Variants in HECW2 observed in about 807,000 individuals in gnomAD.
The protein encoded by HECW2 is HECT, C2 and WW domain containing E3 ubiquitin protein ligase 2.
HECW2 carries 61 observed loss-of-function variants against 175.2 expected under a neutral mutation model. That is an observed-to-expected ratio of 0.35 (90% confidence interval 0.28 to 0.43). The LOEUF (loss-of-function observed/expected upper bound fraction) is 0.43, where lower values mean the gene tolerates loss of function less well. Ranked by LOEUF, HECW2 falls within the 20% of genes least tolerant of loss-of-function variation. The probability of loss-of-function intolerance (pLI) is 1.00; values close to 1 mark genes in which losing one functional copy is unlikely to be tolerated. For missense variants in HECW2, 1,524 were observed against 2,000.5 expected, an observed-to-expected ratio of 0.76 and a Z score of 4.54; for synonymous variants, 671 against 731.0, an observed-to-expected ratio of 0.92 and a Z score of 1.32.
At chr2:196,407,408 C>T in intron 2 of HECW2, among the ~76,000 whole-genome samples, 1 of 152,070 alleles carries the variant, frequency 6.6e-6, no homozygotes, top group Non-Finnish European at 1.5e-5. Context: ...CACCATGTTG[C>T]CTAGGCTGGT....
chr2:196,343,890 T>G, intron 2 of HECW2, 126 bp from the exon 3 acceptor site: 2 of 647,630 alleles, frequency 3.1e-6, no homozygotes, highest in South Asian at 3.8e-5. Flanking sequence ...ACATTATTCT[T>G]AATGACTACC....
At chr2:196,469,122 T>TGTGTGC (rs1553520738) in intron 1 of HECW2, among the ~76,000 whole-genome samples, 22 of 79,314 alleles carry the variant, frequency 2.8e-4, no homozygotes, top group African/African-American at 1.3e-3. Context: ...TGTGTGTGCG[T>TGTGTGC]GTGTGTGTGT....
chr2:196,544,379 C>G (rs1689337062), intron 1 of HECW2, among the ~76,000 whole-genome samples: 1 of 152,124 alleles, frequency 6.6e-6, no homozygotes, highest in Non-Finnish European at 1.5e-5. Context: ...AAACATGAGT[C>G]CCTCAGTGTG....
At chr2:196,207,743 TC>T (rs1687122871) in intron 28 of HECW2, among the ~76,000 whole-genome samples, 1 of 152,224 alleles carries the variant, frequency 6.6e-6, no homozygotes, top group African/African-American at 2.4e-5. Context: ...ATGAGGAGTA[TC>T]TATAGACGGG....
At chr2:196,334,155 A>G (rs897109171) in intron 4 of HECW2, among the ~76,000 whole-genome samples, 3 of 152,226 alleles carry the variant, frequency 2.0e-5, no homozygotes, top group Non-Finnish European at 4.4e-5. Context: ...AAAATGGGGC[A>G]CTTGCTACTT....
rs1687466297 is a variant in HECW2, at chr2:196,216,110, G to A, written c.4495-133C>T. On this transcript the variant is annotated intron_variant, in intron 27 of 28. Transcript: ENST00000644978. ...GTTCTGAAGACAAAACTTCACAGGT[G>A]TGGAATAATCACAACACAATTCTGA... The A allele has an allele frequency of 2.9e-5, 18 of 626,478 alleles. No homozygotes were observed. In the South Asian group the frequency reaches 3.2e-4, roughly 11 times the overall value. The allele number at this position is 626,478 out of a possible 1,614,324, so 38.8% of individuals were successfully genotyped here.
chr2:196,370,013 C>T (rs1444078693), intron 2 of HECW2, among the ~76,000 whole-genome samples: 1 of 151,916 alleles, frequency 6.6e-6, no homozygotes, highest in African/African-American at 2.4e-5. Context: ...TGTCCTCACC[C>T]ATTGTGGACA....
chr2:196,318,415 T>C (rs1234808694), intron 9 of HECW2, 137 bp downstream of exon 9: 3 of 1,053,712 alleles, frequency 2.8e-6, no homozygotes, highest in Non-Finnish European at 3.8e-6. Context: ...GCCTCTCTTC[T>C]TGCCTGCTGA....
intron 1 of HECW2, among the ~76,000 whole-genome samples, chr2:196,505,881 T>C (rs1339200723): frequency 6.6e-6 from 1 of 152,180 alleles, no homozygotes; most frequent in Non-Finnish European, 1.5e-5. Context: ...TCCCCCCAAC[T>C]GTGGAGTTTT....
rs576087837 is a variant in HECW2 at position 196,212,078 on chromosome 2, C to T, written c.4607+3787G>A. Among the ~76,000 whole-genome samples, 4 of 152,296 alleles carry T rather than the reference C, an allele frequency of 2.6e-5. No individual in the cohort carries two copies. The South Asian group carries it at 8.3e-4, about 32-fold the overall frequency. ...TCTCAAACTCCTGACCTCAGGCAAT[C>T]CGTCCGCCTTGGCCTCCCAAAGTGC... On this transcript the variant is annotated intron_variant, in intron 28 of 28. Transcript: ENST00000644978.
At position 196,428,554 on chromosome 2, in the gene HECW2, G is replaced by T. The variant is rs1163132955; in HGVS notation, c.292+4578C>A. 2.0e-5 allele frequency among the ~76,000 whole-genome samples: 3 copies of T among 151,890 alleles called. No individual in the cohort carries two copies. In the East Asian group the frequency reaches 5.8e-4, roughly 29 times the overall value. ...TTAATAGTATCCAAAAAATTGTTTTGCACATTTTCATGTTATTAATTACTC... is the reference window on the plus strand; with the variant it reads ...TTAATAGTATCCAAAAAATTGTTTTTCACATTTTCATGTTATTAATTACTC... On this transcript the variant is annotated intron_variant, in intron 2 of 28. Transcript: ENST00000644978.
Position 196,253,955 on chromosome 2 carries a change from C to T in HECW2, c.3494G>A (p.Arg1165His), listed in dbSNP as rs750140467. The change falls in exon 19 of 29, where the codon CGT becomes CAT. Residue 1165 changes from arginine to histidine, a missense_variant. Physicochemically the swap from Arg to His is conservative, Grantham distance 29. Transcript: ENST00000644978. ...LLHPSYCQSP[R>H]GSPVSSPQNS... ...CTGAGGAGATGACACGGGAGAGCCA[C>T]GTGGGGACTGACAGTAGCTGGGGTG... 3.7e-6 allele frequency: 6 copies of T among 1,613,896 alleles called. No homozygotes were observed. Among genetic ancestry groups the T allele is most frequent in the East Asian group, 2.2e-5 (1 of 44,888 alleles).
chr2:196,534,992 C>T (rs1368734428), intron 1 of HECW2, among the ~76,000 whole-genome samples: 2 of 151,646 alleles, frequency 1.3e-5, no homozygotes. Context: ...ATGTCCCCTT[C>T]AGTCTATACC....
chr2:196,431,252 A>C (rs1420768440), intron 2 of HECW2, among the ~76,000 whole-genome samples: 1 of 152,194 alleles, frequency 6.6e-6, no homozygotes, highest in Non-Finnish European at 1.5e-5. Context: ...AAAGTAAAAT[A>C]TAACAACATC....
In HECW2 at chr2:196,219,941, C is replaced by T. The variant is rs1049256713; in HGVS notation, c.4408+98G>A. 3 of 747,508 alleles carry T rather than the reference C, an allele frequency of 4.0e-6. No homozygotes were observed. In the African/African-American group the frequency reaches 5.2e-5, roughly 13 times the overall value. 46.3% of individuals were successfully genotyped at this position (747,508 alleles called of 1,614,324 possible). A position where few individuals can be genotyped will look rare whatever the true frequency, so the allele number is the denominator to read the frequency against. On this transcript the variant is annotated intron_variant, in intron 26 of 28. Transcript: ENST00000644978. ...CTGCATCAGACCTATGATTAGAGTC[C>T]AAGTGCTGTTGCCTGTCCTATATTC...
intron 1 of HECW2, among the ~76,000 whole-genome samples, chr2:196,513,496 TG>T (rs1688032033): frequency 6.6e-6 from 1 of 152,062 alleles, no homozygotes; most frequent in African/African-American, 2.4e-5. Flanking sequence ...GGTGACAGAG[TG>T]AGACCCTGTC....
intron 2 of HECW2, among the ~76,000 whole-genome samples, chr2:196,402,060 A>G (rs1016342170): frequency 2.0e-5 from 3 of 151,590 alleles, no homozygotes; most frequent in Non-Finnish European, 2.9e-5. Flanking sequence ...AATTAGCCGG[A>G]CGTGGTGGCG....
intron 13 of HECW2, among the ~76,000 whole-genome samples, chr2:196,303,843 C>G (rs1225093351): frequency 1.3e-5 from 2 of 151,982 alleles, no homozygotes; most frequent in East Asian, 3.9e-4. Context: ...TTCTTGAAGC[C>G]CTTTTTTCTC....
chr2:196,260,473 G>A (rs941356168), intron 17 of HECW2: 3 of 152,208 alleles, frequency 2.0e-5, no homozygotes, highest in African/African-American at 7.2e-5. Context: ...GGAATCCAAT[G>A]GGGAGTAAGA....
Sources: gnomAD v4.1 joint callset for allele counts (sites outside exome capture counted in the v4.1 genomes callset) on GRCh38, gnomAD v4.1.1 for gene constraint, MANE v1.5 for transcripts, NCBI Gene and HGNC (gene_info 2026-07-23, HGNC 2026-07-21) for gene names.